Variants in EYS observed in about 807,000 individuals in gnomAD.
EYS encodes the protein protein eyes shut homolog.
A neutral mutation model predicts 282.1 loss-of-function variants in EYS; 250 were observed. The observed-to-expected ratio is 0.89, with a 90% CI of 0.80 to 0.98. EYS has a LOEUF of 0.98. Ranked by LOEUF, EYS falls within the 50% of genes least tolerant of loss-of-function variation. The probability of loss-of-function intolerance (pLI) is 0.00; values close to 1 mark genes in which losing one functional copy is unlikely to be tolerated. For synonymous variants in EYS, 1,355 were observed against 1,282.9 expected, an observed-to-expected ratio of 1.06 and a Z score of -1.20; for missense variants, 4,016 against 3,709.0, an observed-to-expected ratio of 1.08 and a Z score of -2.15.
chr6:65,700,015 T>C (rs938647013), intron 1 of EYS, among the ~76,000 whole-genome samples: 1 of 144,082 alleles, frequency 6.9e-6, no homozygotes, highest in Non-Finnish European at 1.5e-5. Context: ...GTCGGGAGGC[T>C]GAGGCAGGAG....
chr6:63,852,936 C>T (rs1049533929), intron 36 of EYS, among the ~76,000 whole-genome samples: 1 of 152,188 alleles, frequency 6.6e-6, no homozygotes, highest in African/African-American at 2.4e-5. Flanking sequence ...TTCAACACCC[C>T]TTCATGCTAA....
At chr6:65,056,272 T>C (rs969192017) in intron 13 of EYS, among the ~76,000 whole-genome samples, 1 of 120,972 alleles carries the variant, frequency 8.3e-6, no homozygotes, top group Non-Finnish European at 1.7e-5. Context: ...ATTCATGCTA[T>C]ATTTCATGCT....
intron 26 of EYS, among the ~76,000 whole-genome samples, chr6:64,550,033 C>A (rs142642664): frequency 0.034 from 5,144 of 152,052 alleles, 111 homozygotes; most frequent in Non-Finnish European, 0.053. Flanking sequence ...GATGGTTTCC[C>A]GCTTCATCCA....
rs9453208 is a variant in EYS at position 65,158,750 on chromosome 6, A to G, written c.2024-101023T>C. Among the ~76,000 whole-genome samples the G allele has an allele frequency of 9.9e-3, 1,491 of 151,104 alleles. 22 individuals are homozygous for G. The highest frequency in any genetic ancestry group is 0.034 in the African/African-American group (1,408 of 41,442). On this transcript the variant is annotated intron_variant, in intron 12 of 42. Coordinates refer to ENST00000503581, the MANE Select transcript of EYS (RefSeq NM_001142800.2). ...TATGTTTCAAAATTTTATTCCAGTT[A>G]AAATAAAACTGTATTATGGTAAGTC...
chr6:64,100,875 C>T (rs2150258866), intron 31 of EYS, among the ~76,000 whole-genome samples: 2 of 152,244 alleles, frequency 1.3e-5, no homozygotes, highest in Middle Eastern at 6.8e-3. Flanking sequence ...AGGCACTCCC[C>T]CTCCTCCACC....
chr6:64,786,541 T>C (rs1432817464), intron 22 of EYS, among the ~76,000 whole-genome samples: 12 of 152,234 alleles, frequency 7.9e-5, no homozygotes, highest in Admixed American at 4.6e-4. Context: ...GCCAGCAACA[T>C]GTGGGGCAGG....
At position 65,353,457 on chromosome 6, in the gene EYS, C is replaced by T. The variant is rs753729697; in HGVS notation, c.1459+1G>A. 1 of 1,612,420 alleles carries T rather than the reference C, an allele frequency of 6.2e-7. No homozygotes were observed. Among genetic ancestry groups the T allele is most frequent in the Admixed American group, 1.7e-5 (1 of 59,968 alleles). On this transcript the variant is annotated splice_donor_variant, in intron 9 of 42. Coordinates refer to ENST00000503581, the MANE Select transcript of EYS (RefSeq NM_001142800.2). LOFTEE classifies it high-confidence loss of function. ...TGAAAAAAATTACATAAATTTGTTACCTGCAAATCCCAATTGCCACACATA... is the reference window on the plus strand; with the variant it reads ...TGAAAAAAATTACATAAATTTGTTATCTGCAAATCCCAATTGCCACACATA...
intron 29 of EYS, among the ~76,000 whole-genome samples, chr6:64,370,772 T>C (rs1772340563): frequency 6.6e-6 from 1 of 152,162 alleles, no homozygotes; most frequent in South Asian, 2.1e-4. Flanking sequence ...TCCAGGAATT[T>C]TTCCATTTCT....
chr6:64,863,370 T>C (rs985901488), intron 19 of EYS, among the ~76,000 whole-genome samples: 4 of 152,220 alleles, frequency 2.6e-5, no homozygotes, highest in South Asian at 2.1e-4. Flanking sequence ...GCAATATCTG[T>C]TTTAAGTAGC....
intron 30 of EYS, among the ~76,000 whole-genome samples, chr6:64,284,970 A>T (rs1350971341): frequency 6.6e-6 from 1 of 152,142 alleles, no homozygotes; most frequent in Non-Finnish European, 1.5e-5. Flanking sequence ...TGCTGCAAAG[A>T]TCTCTGACAT....
At chr6:65,343,566 T>C (rs1489133158) in intron 10 of EYS, among the ~76,000 whole-genome samples, 1 of 151,314 alleles carries the variant, frequency 6.6e-6, no homozygotes, top group Admixed American at 6.6e-5. Flanking sequence ...GGCCTCACAA[T>C]TTTTAGTGAT....
At chr6:63,970,428 G>T (rs576812315) in intron 35 of EYS, among the ~76,000 whole-genome samples, 4 of 152,250 alleles carry the variant, frequency 2.6e-5, no homozygotes, top group African/African-American at 7.2e-5. Flanking sequence ...TAGGTCAGGT[G>T]ATCGAGACCA....
chr6:64,466,468 G>A (rs1430622050), intron 26 of EYS, among the ~76,000 whole-genome samples: 2 of 152,056 alleles, frequency 1.3e-5, no homozygotes, highest in Non-Finnish European at 1.5e-5. Flanking sequence ...ATGAAGTTGG[G>A]GAGCACCATG....
intron 36 of EYS, among the ~76,000 whole-genome samples, chr6:63,853,505 C>T (rs918235565): frequency 5.3e-5 from 8 of 152,182 alleles, no homozygotes; most frequent in Non-Finnish European, 8.8e-5. Context: ...AATGGAAAAA[C>T]ATTCCATGCT....
At chr6:64,510,504 T>C (rs1327137260) in intron 26 of EYS, among the ~76,000 whole-genome samples, 2 of 152,066 alleles carry the variant, frequency 1.3e-5, no homozygotes, top group African/African-American at 2.4e-5. Flanking sequence ...CGTCAAGAGA[T>C]TGTACAATAC....
chr6:65,524,945 G>A (rs1006676789), intron 2 of EYS, among the ~76,000 whole-genome samples: 1 of 152,160 alleles, frequency 6.6e-6, no homozygotes, highest in African/African-American at 2.4e-5. Context: ...CTGGCAAATT[G>A]AGCACTGAGC....
At chr6:65,016,365 T>C (rs1021850150) in intron 13 of EYS, among the ~76,000 whole-genome samples, 11 of 152,200 alleles carry the variant, frequency 7.2e-5, no homozygotes, top group Admixed American at 1.3e-4. Context: ...TTAAGAGCTG[T>C]AAGTGGATAT....
chr6:63,775,022 C>G (rs4142267), intron 40 of EYS, among the ~76,000 whole-genome samples: 5,063 of 151,670 alleles, frequency 0.033, 144 homozygotes, highest in South Asian at 0.11. Context: ...TTATCCTTGG[C>G]TACTAAGAAC....
chr6:64,854,144 T>A (rs1383411147), intron 19 of EYS, among the ~76,000 whole-genome samples: 1 of 152,092 alleles, frequency 6.6e-6, no homozygotes, highest in Non-Finnish European at 1.5e-5. Context: ...ACTTTTACAC[T>A]GTTGCTGGGA....
Sources: gnomAD v4.1 joint callset for allele counts (sites outside exome capture counted in the v4.1 genomes callset) on GRCh38, gnomAD v4.1.1 for gene constraint, MANE v1.5 for transcripts, NCBI Gene and HGNC (gene_info 2026-07-23, HGNC 2026-07-21) for gene names.